The following PDE10A variants were observed in gnomAD, a reference collection of about 807,000 sequenced individuals.
PDE10A encodes the protein cAMP and cAMP-inhibited cGMP 3',5'-cyclic phosphodiesterase 10A.
Under a neutral mutation model 97.7 loss-of-function variants are expected in PDE10A, and 39 were observed. The ratio of observed to expected loss-of-function variants is 0.40; its 90% confidence interval spans 0.31 to 0.52. The LOEUF (loss-of-function observed/expected upper bound fraction) is 0.52, where lower values mean the gene tolerates loss of function less well. Ranked by LOEUF, PDE10A falls within the 20% of genes least tolerant of loss-of-function variation. The pLI is 0.56. For synonymous variants in PDE10A, 371 were observed against 376.8 expected (o/e 0.98, Z 0.18); for missense variants, 731 against 1,047.8 (o/e 0.70, Z 4.17).
chr6:165,359,244 C>A (rs1783227852), intron 18 of PDE10A, among the ~76,000 whole-genome samples: 1 of 152,130 alleles, frequency 6.6e-6, no homozygotes, highest in Non-Finnish European at 1.5e-5. Context: ...GGTAATTCAT[C>A]ACTCTGAGGT....
At chr6:165,571,996 G>A (rs1785070423) in intron 1 of PDE10A, among the ~76,000 whole-genome samples, 1 of 152,168 alleles carries the variant, frequency 6.6e-6, no homozygotes, top group African/African-American at 2.4e-5. Context: ...CTACTAACAT[G>A]AACTTACTGC....
chr6:165,893,781 G>C (rs916970347), intron 1 of PDE10A, among the ~76,000 whole-genome samples: 2 of 151,242 alleles, frequency 1.3e-5, no homozygotes, highest in Non-Finnish European at 2.9e-5. Flanking sequence ...CCAGGTATTT[G>C]ATAGAACTTA....
At chr6:165,528,322 T>C (rs1782572209) in intron 2 of PDE10A, among the ~76,000 whole-genome samples, 1 of 152,158 alleles carries the variant, frequency 6.6e-6, no homozygotes, top group African/African-American at 2.4e-5. Context: ...CCACTCAGCC[T>C]CTTTCCCCAG....
chr6:165,789,907 T>C lies in PDE10A; in HGVS notation c.-615+197622A>G, dbSNP rs117733555. 5.8e-3 allele frequency among the ~76,000 whole-genome samples: 885 copies of C among 152,242 alleles called. 3 individuals carry two copies. The highest frequency in any genetic ancestry group is 1.0e-2 in the Non-Finnish European group (679 of 68,024). On this transcript the variant is annotated intron_variant, in intron 1 of 19. Coordinates refer to the PDE10A transcript ENST00000366882. ...CTGGTAATTTAAACTGATAATCAAA[T>C]TGTTCATGTTTGTGGATAAGAAAGA...
intron 21 of PDE10A, among the ~76,000 whole-genome samples, chr6:165,333,918 C>T (rs767894952): frequency 3.9e-5 from 6 of 152,202 alleles, no homozygotes; most frequent in Non-Finnish European, 8.8e-5. Context: ...CTATGAGACA[C>T]AGTTTTAAAA....
chr6:165,543,510 T>C lies in PDE10A; in HGVS notation c.924A>G (p.Glu308=). The part of the protein sequence containing the change: ...YLSLHPQVLD[E]FVSESVSAET... ...CTGCACTAACACTTTCAGATACAAA[T>C]TCATCTAATACCTGGGGGTGAAGAG... Residue 308 remains glutamate, a synonymous_variant, in exon 2 of 22, where the codon GAA becomes GAG. Transcript: ENST00000539869. The C allele has an allele frequency of 1.2e-6, 2 of 1,611,704 alleles. No individual in the cohort carries two copies. The highest frequency in any genetic ancestry group is 1.3e-5 in the African/African-American group (1 of 75,008).
intron 1 of PDE10A, among the ~76,000 whole-genome samples, chr6:165,623,622 A>G (rs528350379): frequency 2.6e-5 from 4 of 152,324 alleles, no homozygotes; most frequent in African/African-American, 9.6e-5. Flanking sequence ...TTACTTCAGG[A>G]AAGCAGGCTT....
intron 1 of PDE10A, among the ~76,000 whole-genome samples, chr6:165,672,007 T>C (rs1790660633): frequency 6.6e-6 from 1 of 152,200 alleles, no homozygotes; most frequent in Non-Finnish European, 1.5e-5. Flanking sequence ...ACTGGTGAAG[T>C]CTTATCTTAC....
At chr6:165,389,798 G>A (rs1434923290) in intron 16 of PDE10A, among the ~76,000 whole-genome samples, 1 of 152,146 alleles carries the variant, frequency 6.6e-6, no homozygotes, top group African/African-American at 2.4e-5. Context: ...GGTTGGAGGA[G>A]GGTCAAGGTC....
intron 1 of PDE10A, among the ~76,000 whole-genome samples, chr6:165,747,193 A>G (rs1176444879): frequency 1.3e-5 from 2 of 152,266 alleles, no homozygotes; most frequent in Admixed American, 6.5e-5. Flanking sequence ...TTTGTTTTAA[A>G]ATAAACATTT....
chr6:165,455,907 C>T (rs1419230974), intron 3 of PDE10A, among the ~76,000 whole-genome samples: 3 of 152,078 alleles, frequency 2.0e-5, no homozygotes, highest in Non-Finnish European at 4.4e-5. Context: ...TTGTTCTTAC[C>T]CAAGTACCTG....
At chr6:165,809,451 G>A (rs1040524422) in intron 1 of PDE10A, among the ~76,000 whole-genome samples, 8 of 152,180 alleles carry the variant, frequency 5.3e-5, no homozygotes, top group Non-Finnish European at 4.4e-5. Context: ...CACTCAGCAT[G>A]CTTTGGAGCC....
At chr6:165,884,965 T>C (rs1219910155) in intron 1 of PDE10A, among the ~76,000 whole-genome samples, 1 of 152,170 alleles carries the variant, frequency 6.6e-6, no homozygotes, top group African/African-American at 2.4e-5. Flanking sequence ...TGTGTCGTCC[T>C]GTGTGGGTTT....
At chr6:165,709,748 C>T (rs1028045793) in intron 1 of PDE10A, among the ~76,000 whole-genome samples, 4 of 141,786 alleles carry the variant, frequency 2.8e-5, no homozygotes, top group Non-Finnish European at 4.6e-5. Context: ...CCAGGCTCTC[C>T]CTCTGCGAGC....
At chr6:165,643,165 C>T (rs774729451) in intron 1 of PDE10A, among the ~76,000 whole-genome samples, 16 of 151,172 alleles carry the variant, frequency 1.1e-4, no homozygotes, top group East Asian at 5.9e-4. Context: ...GATGGGAGGA[C>T]GGATGGTGGG....
intron 2 of PDE10A, among the ~76,000 whole-genome samples, chr6:165,511,651 T>C (rs1019390640): frequency 6.6e-6 from 1 of 151,974 alleles, no homozygotes; most frequent in African/African-American, 2.4e-5. Context: ...GGAGTGTCTC[T>C]CTCTCTTTAG....
chr6:165,451,992 G>T (rs959042276), intron 3 of PDE10A, among the ~76,000 whole-genome samples: 1 of 152,190 alleles, frequency 6.6e-6, no homozygotes, highest in African/African-American at 2.4e-5. Flanking sequence ...ATATTCAAAG[G>T]CTTAGCAAGA....
upstream of PDE10A, among the ~76,000 whole-genome samples, chr6:165,665,517 G>T (rs1362556098): frequency 1.3e-5 from 2 of 152,164 alleles, no homozygotes; most frequent in East Asian, 3.8e-4. Flanking sequence ...TTCCCATAAA[G>T]ACTGCAATAT....
At chr6:165,491,285 A>G (rs916091831) in intron 2 of PDE10A, among the ~76,000 whole-genome samples, 11 of 152,188 alleles carry the variant, frequency 7.2e-5, no homozygotes, top group Non-Finnish European at 1.6e-4. Context: ...AGACAGCAAC[A>G]CAGTAATAGT....
Sources: allele counts gnomAD v4.1 joint callset (sites outside exome capture counted in the v4.1 genomes callset), GRCh38; gene constraint gnomAD v4.1.1; transcripts MANE v1.5; gene names NCBI Gene and HGNC (gene_info 2026-07-23, HGNC 2026-07-21).